The following CDH23 variants were observed in gnomAD, a reference collection of about 807,000 sequenced individuals.
The protein encoded by CDH23 is cadherin related 23.
Under a neutral mutation model 317.1 loss-of-function variants are expected in CDH23, and 189 were observed. That is an observed-to-expected ratio of 0.60 (90% CI 0.53 to 0.67). The LOEUF (loss-of-function observed/expected upper bound fraction) is 0.67. Among genes scored for constraint, CDH23 ranks in the 30% least tolerant of loss-of-function variants. The pLI, the probability that CDH23 is intolerant of heterozygous loss-of-function variation, is 0.00. For missense variants in CDH23, 4,401 were observed against 4,592.4 expected (o/e 0.96, Z 1.20); for synonymous variants, 1,839 against 1,876.8 (o/e 0.98, Z 0.52).
At chr10:71,593,132 C>A (rs1009130370) in intron 9 of CDH23, among the ~76,000 whole-genome samples, 4 of 152,174 alleles carry the variant, frequency 2.6e-5, no homozygotes, top group Non-Finnish European at 5.9e-5. Context: ...CAAAGATAGA[C>A]AGACTGATGG....
rs1219254546 is a variant in CDH23 at position 71,799,236 on chromosome 10, G to T, written c.7180G>T (p.Asp2394Tyr). The stretch of plus-strand genomic sequence containing the variant: ...GATCCCTGTCTACCTGGAAATCGTG[G>T]ACATCAATGACAACAACCCCATCTT... ...AEIPVYLEIV[D>Y]INDNNPIFDQ... The change falls in exon 51 of 70, where the codon GAC (aspartate) becomes TAC (tyrosine). Residue 2394 changes from aspartate to tyrosine, a missense_variant. By Grantham distance (160) the Asp-to-Tyr change is radical. Transcript: ENST00000224721. 1 of 1,613,944 alleles carries T rather than the reference G, an allele frequency of 6.2e-7. No homozygotes were observed. Among genetic ancestry groups the T allele is most frequent in the South Asian group, 1.1e-5 (1 of 91,096 alleles).
intron 14 of CDH23, among the ~76,000 whole-genome samples, chr10:71,670,580 C>T (rs564785240): frequency 6.6e-6 from 1 of 152,028 alleles, no homozygotes; most frequent in Non-Finnish European, 1.5e-5. Flanking sequence ...GTTTGGAAGG[C>T]AGTTACAGAA....
chr10:71,423,098 T>C (rs1848887656), intron 1 of CDH23, among the ~76,000 whole-genome samples: 1 of 152,222 alleles, frequency 6.6e-6, no homozygotes, highest in East Asian at 1.9e-4. Flanking sequence ...TGTTAGGCTC[T>C]GGAGCAATCA....
chr10:71,589,354 G>GC (rs1564672728), intron 9 of CDH23, among the ~76,000 whole-genome samples: 7 of 152,180 alleles, frequency 4.6e-5, no homozygotes, highest in African/African-American at 1.7e-4. Context: ...TCCTGACCTT[G>GC]TGATCCACCC....
intron 3 of CDH23, among the ~76,000 whole-genome samples, chr10:71,468,750 C>T (rs539857439): frequency 1.1e-4 from 17 of 152,236 alleles, no homozygotes; most frequent in Non-Finnish European, 2.2e-4. Flanking sequence ...TTAACTCGAA[C>T]ACTTGTTCCT....
At chr10:71,632,896 T>C (rs1435515330) in intron 11 of CDH23, among the ~76,000 whole-genome samples, 2 of 152,158 alleles carry the variant, frequency 1.3e-5, no homozygotes, top group African/African-American at 4.8e-5. Flanking sequence ...AGAAACAAAA[T>C]TTATTTCTTA....
At chr10:71,426,844 C>T (rs1372554331) in intron 1 of CDH23, among the ~76,000 whole-genome samples, 1 of 152,054 alleles carries the variant, frequency 6.6e-6, no homozygotes, top group Non-Finnish European at 1.5e-5. Flanking sequence ...AACATTTTAT[C>T]ATCTCACAAA....
chr10:71,503,621 G>C (rs940651134), intron 3 of CDH23, among the ~76,000 whole-genome samples: 17 of 152,166 alleles, frequency 1.1e-4, no homozygotes, highest in Non-Finnish European at 2.1e-4. Flanking sequence ...GATGGGCAGG[G>C]GGTTGGGGTA....
intron 11 of CDH23, among the ~76,000 whole-genome samples, chr10:71,636,724 G>A (rs1346388757): frequency 6.6e-6 from 1 of 152,194 alleles, no homozygotes; most frequent in Non-Finnish European, 1.5e-5. Flanking sequence ...AGGGGACATA[G>A]GTAGGAGGAT....
intron 3 of CDH23, among the ~76,000 whole-genome samples, chr10:71,480,544 G>A (rs1852013320): frequency 6.6e-6 from 1 of 152,222 alleles, no homozygotes. Context: ...AGACTTGAGG[G>A]ACAACTTGGA....
intron 6 of CDH23, among the ~76,000 whole-genome samples, chr10:71,566,472 G>A (rs1049852067): frequency 1.3e-5 from 2 of 151,960 alleles, no homozygotes; most frequent in South Asian, 2.1e-4. Flanking sequence ...TTTGGGGACC[G>A]TAAGACCCCT....
At chr10:71,568,344 C>T (rs1350642189) in intron 7 of CDH23, among the ~76,000 whole-genome samples, 1 of 152,224 alleles carries the variant, frequency 6.6e-6, no homozygotes, top group East Asian at 1.9e-4. Context: ...TGCCCCTCCA[C>T]CGCACTGTTT....
intron 11 of CDH23, among the ~76,000 whole-genome samples, chr10:71,636,346 C>A (rs1589283355): frequency 1.3e-5 from 2 of 151,900 alleles, no homozygotes; most frequent in African/African-American, 4.8e-5. Context: ...TTAGGGAGAC[C>A]CCATCTCTGC....
chr10:71,777,301 T>C (rs1332017890), intron 38 of CDH23, among the ~76,000 whole-genome samples: 1 of 152,204 alleles, frequency 6.6e-6, no homozygotes, highest in East Asian at 1.9e-4. Flanking sequence ...CAGGCCCTCG[T>C]AAAGCTCTGA....
intron 25 of CDH23, among the ~76,000 whole-genome samples, chr10:71,705,399 G>C (rs1463731144): frequency 1.3e-5 from 2 of 152,186 alleles, no homozygotes; most frequent in Admixed American, 6.5e-5. Flanking sequence ...ACCCCTCCTA[G>C]CCTCTGATCG....
At chr10:71,808,126 C>A in intron 60 of CDH23, 119 bp downstream of exon 60, 2 of 1,190,584 alleles carry the variant, frequency 1.7e-6, no homozygotes, top group Non-Finnish European at 1.2e-6. Context: ...GGCCCCCCAG[C>A]CAGCCACACC....
chr10:71,716,413 T>TTCCCTA, intron 28 of CDH23: 2 of 1,277,332 alleles, frequency 1.6e-6, no homozygotes, highest in Non-Finnish European at 2.1e-6. Flanking sequence ...TAGGGAAGAC[T>TTCCCTA]TACCTAGGGA....
At chr10:71,728,155 C>T (rs74147043) in intron 30 of CDH23, among the ~76,000 whole-genome samples, 5 of 152,002 alleles carry the variant, frequency 3.3e-5, no homozygotes, top group South Asian at 2.1e-4. Flanking sequence ...TTCTGTTTAC[C>T]GAAAAAGAGT....
rs886560674 is a variant in CDH23, at chr10:71,666,024, G to A, written c.1450-9088G>A. Among the ~76,000 whole-genome samples the A allele has an allele frequency of 2.0e-5, 3 of 152,182 alleles. No individual in the cohort carries two copies. In the East Asian group the frequency reaches 5.8e-4, roughly 29 times the overall value. On this transcript the variant is annotated intron_variant, in intron 14 of 69. Coordinates refer to ENST00000224721, the MANE Select transcript of CDH23 (RefSeq NM_022124.6). ...TGATCCATTAGGAATGTCTACCATT[G>A]GCACTGGTGATGGAGTGCTGGCTGT...
Sources: allele counts gnomAD v4.1 joint callset (sites outside exome capture counted in the v4.1 genomes callset), GRCh38; gene constraint gnomAD v4.1.1; transcripts MANE v1.5; gene names NCBI Gene and HGNC (gene_info 2026-07-23, HGNC 2026-07-21).